VRK3: variants seen among roughly 807,000 people sequenced by gnomAD.
VRK3 encodes serine/threonine-protein kinase VRK3.
Under a neutral mutation model 60.4 loss-of-function variants are expected in VRK3, and 50 were observed. That is an observed-to-expected ratio of 0.83 (90% CI 0.66 to 1.05). The LOEUF (loss-of-function observed/expected upper bound fraction) is 1.05, where lower values mean the gene tolerates loss of function less well. Among genes scored for constraint, VRK3 ranks in the 50% least tolerant of loss-of-function variants. The pLI is 0.00. For missense variants in VRK3, 549 were observed against 585.3 expected, an observed-to-expected ratio of 0.94 and a Z score of 0.64; for synonymous variants, 246 against 227.8, an observed-to-expected ratio of 1.08 and a Z score of -0.72.
At chr19:50,002,205 G>C (rs1421241981) in intron 5 of VRK3, among the ~76,000 whole-genome samples, 1 of 152,028 alleles carries the variant, frequency 6.6e-6, no homozygotes, top group African/African-American at 2.4e-5. Context: ...ATCGAGGCTG[G>C]TATCGTCTAA....
chr19:49,979,408 TG>T (rs1313328857), intron 13 of VRK3, among the ~76,000 whole-genome samples, 166 bp from the exon 14 acceptor site: 1 of 152,160 alleles, frequency 6.6e-6, no homozygotes, highest in Non-Finnish European at 1.5e-5. Context: ...GGACTTCAAT[TG>T]TTTTTCAGTT....
At chr19:49,977,540 G>A (rs1032300019) in intron 14 of VRK3, among the ~76,000 whole-genome samples, 9 of 152,160 alleles carry the variant, frequency 5.9e-5, no homozygotes, top group African/African-American at 1.9e-4. Flanking sequence ...TAAACAGGAT[G>A]AAGCCTCTGC....
At chr19:50,002,135 C>A (rs927803201) in intron 5 of VRK3, among the ~76,000 whole-genome samples, 1 of 152,198 alleles carries the variant, frequency 6.6e-6, no homozygotes, top group Non-Finnish European at 1.5e-5. Flanking sequence ...CGCCCGCACA[C>A]CTGACTCACG....
intron 5 of VRK3, among the ~76,000 whole-genome samples, chr19:50,003,616 G>A (rs561623882): frequency 2.0e-5 from 3 of 152,378 alleles, no homozygotes; most frequent in African/African-American, 4.8e-5. Flanking sequence ...AGAGCATGGC[G>A]CAGAGAGTGG....
intron 3 of VRK3, 90 bp downstream of exon 3, chr19:50,015,934 C>T (rs969937378): frequency 3.1e-5 from 48 of 1,565,972 alleles, no homozygotes; most frequent in Non-Finnish European, 4.1e-5. Flanking sequence ...CAGGGTCAGA[C>T]AGGCTGCAAA....
At position 49,994,936 on chromosome 19, in the gene VRK3, C is replaced by T. The variant is rs903010802; in HGVS notation, c.765-17G>A. ...ACCAAGAACCTGGAAGACACAAGCA[C>T]CCCAGGAGGTGGGAGATGAACAGGG... On this transcript the variant is annotated splice_polypyrimidine_tract_variant and intron_variant, in intron 8 of 14. Transcript: ENST00000316763. 7 of 1,610,406 alleles carry T rather than the reference C, an allele frequency of 4.3e-6. No individual in the cohort carries two copies. The African/African-American group carries it at 6.7e-5, about 15-fold the overall frequency.
intron 1 of VRK3, among the ~76,000 whole-genome samples, chr19:50,021,766 G>C (rs1317859065): frequency 6.6e-6 from 1 of 152,248 alleles, no homozygotes; most frequent in African/African-American, 2.4e-5. Flanking sequence ...GGGAGTCCCT[G>C]CTGCACAGAG....
In VRK3 at chr19:49,994,906, G is replaced by GT; in HGVS notation, c.777dup (p.Pro260ThrfsTer40). On this transcript the variant is annotated frameshift_variant, in exon 9 of 15. Coordinates refer to ENST00000316763, the MANE Select transcript of VRK3 (RefSeq NM_016440.4). LOFTEE classifies it high-confidence loss of function. ...GACTGAAGGCTCCTCCCCAGGCTGG[G>GT]TAACACCAAGAACCTGGAAGACACA... is the stretch of plus-strand genomic sequence containing the variant. 1 of 1,614,022 alleles carries GT rather than the reference G, an allele frequency of 6.2e-7. No individual in the cohort carries two copies. The highest frequency in any genetic ancestry group is 1.1e-5 in the South Asian group (1 of 91,052).
At chr19:50,022,244 T>C (rs1217104844) in intron 1 of VRK3, among the ~76,000 whole-genome samples, 4 of 152,214 alleles carry the variant, frequency 2.6e-5, no homozygotes, top group East Asian at 1.9e-4. Flanking sequence ...AACATTCTTG[T>C]AGATTTAAAT....
rs747072104 is a variant in VRK3 at position 49,994,911 on chromosome 19, A to T, written c.773T>A (p.Val258Glu). The change falls in exon 9 of 15, where the codon GTG becomes GAG. Residue 258 changes from valine (V) to glutamate (E), a missense_variant. By Grantham distance (121) the Val-to-Glu change is moderately radical. Coordinates refer to ENST00000316763, the MANE Select transcript of VRK3 (RefSeq NM_016440.4). ...AAGGCTCCTCCCCAGGCTGGGTAAC[A>T]CCAAGAACCTGGAAGACACAAGCAC... is the stretch of plus-strand genomic sequence containing the variant. ...GVHQDKYRFL[V>E]LPSLGRSLQS... 1 of 1,613,816 alleles carries T rather than the reference A, an allele frequency of 6.2e-7. No homozygotes were observed. The highest frequency in any genetic ancestry group is 8.5e-7 in the Non-Finnish European group (1 of 1,179,970).
At chr19:49,991,193 G>A (rs1444411593) in intron 10 of VRK3, among the ~76,000 whole-genome samples, 1 of 152,182 alleles carries the variant, frequency 6.6e-6, no homozygotes, top group Non-Finnish European at 1.5e-5. Context: ...TTCTGGATGA[G>A]ATGAACATTG....
Position 50,016,981 on chromosome 19 carries a change from G to C in VRK3, c.-1-818C>G, listed in dbSNP as rs557416951. On this transcript the variant is annotated intron_variant, in intron 2 of 14. Coordinates refer to ENST00000316763, the MANE Select transcript of VRK3 (RefSeq NM_016440.4). Reference sequence around the variant, plus strand: ...ATCACAGGCAGATCACCTGAGGTTAGGAGTTTGAGACCAGTCTGTCCAACA... The same window carrying C: ...ATCACAGGCAGATCACCTGAGGTTACGAGTTTGAGACCAGTCTGTCCAACA... Among the ~76,000 whole-genome samples the C allele has an allele frequency of 2.1e-5, 3 of 139,742 alleles. No individual in the cohort carries two copies. In the South Asian group the frequency reaches 6.2e-4, roughly 29 times the overall value. The allele number at this position is 139,742 out of a possible 152,430, so 91.7% of individuals were successfully genotyped here.
At chr19:49,990,845 T>C (rs8103252) in intron 10 of VRK3, among the ~76,000 whole-genome samples, 7,938 of 151,922 alleles carry the variant, frequency 0.052, 681 homozygotes, top group African/African-American at 0.18. Context: ...AGTGCAGTGG[T>C]ATGATCATGG....
intron 3 of VRK3, among the ~76,000 whole-genome samples, chr19:50,013,728 T>C (rs554451432): frequency 6.6e-6 from 1 of 152,352 alleles, no homozygotes; most frequent in South Asian, 2.1e-4. Context: ...ACCCAGGTGC[T>C]GTGCAAACAG....
At chr19:50,000,036 G>C (rs891926756) in intron 6 of VRK3, 1 of 152,232 alleles carries the variant, frequency 6.6e-6, no homozygotes. Flanking sequence ...CACAGCCCAC[G>C]CTCTGACCCA....
chr19:49,980,413 T>C (rs16981613), intron 13 of VRK3, among the ~76,000 whole-genome samples: 8,110 of 152,092 alleles, frequency 0.053, 718 homozygotes, highest in African/African-American at 0.19. Flanking sequence ...TAGGGTGAGC[T>C]TATTTTTTGT....
At chr19:49,988,341 C>G in intron 12 of VRK3, 31 bp downstream of exon 12, 6 of 1,587,300 alleles carry the variant, frequency 3.8e-6, no homozygotes, top group Non-Finnish European at 5.1e-6. Flanking sequence ...TGCTGACCAC[C>G]TGCAGGGGTT....
At chr19:50,009,088 T>G in intron 4 of VRK3, 148 bp downstream of exon 4, 1 of 938,046 alleles carries the variant, frequency 1.1e-6, no homozygotes, top group South Asian at 1.6e-5. Context: ...GAGGGGGAGA[T>G]GGGAGGCTGG....
chr19:49,988,478 T>A lies in VRK3; in HGVS notation c.1111A>T (p.Ser371Cys), dbSNP rs56407496. ...LHKGCGPSRR[S>C]DLQSLGYCML... Reference sequence around the variant, plus strand: ...CAGTAGCCCAGGCTCTGGAGGTCGCTGCGGCGGGAGGGCCCTGGGGAAGGA... The same window carrying A: ...CAGTAGCCCAGGCTCTGGAGGTCGCAGCGGCGGGAGGGCCCTGGGGAAGGA... Residue 371 changes from serine to cysteine, a missense_variant, in exon 12 of 15, where the codon AGC becomes TGC. By Grantham distance (112) the Ser-to-Cys change is moderately radical. Coordinates refer to ENST00000316763, the MANE Select transcript of VRK3 (RefSeq NM_016440.4). The A allele has an allele frequency of 6.2e-7, 1 of 1,613,202 alleles. No homozygotes were observed.
Sources: allele counts gnomAD v4.1 joint callset (sites outside exome capture counted in the v4.1 genomes callset), GRCh38; gene constraint gnomAD v4.1.1; transcripts MANE v1.5; gene names NCBI Gene and HGNC (gene_info 2026-07-23, HGNC 2026-07-21).